Variants in PPP3CB observed in about 807,000 individuals in gnomAD.
PPP3CB encodes serine/threonine-protein phosphatase 2B catalytic subunit beta isoform.
Under a neutral mutation model 66.4 loss-of-function variants are expected in PPP3CB, and 8 were observed. The observed-to-expected ratio is 0.12, with a 90% CI of 0.07 to 0.22. The LOEUF (loss-of-function observed/expected upper bound fraction) is 0.22. PPP3CB is among the 10% of genes least tolerant of loss of function. The pLI, the probability that PPP3CB is intolerant of heterozygous loss-of-function variation, is 1.00. For missense variants in PPP3CB, 319 were observed against 642.5 expected, an observed-to-expected ratio of 0.50 and a Z score of 5.44; for synonymous variants, 208 against 221.2, an observed-to-expected ratio of 0.94 and a Z score of 0.53.
intron 9 of PPP3CB, among the ~76,000 whole-genome samples, chr10:73,454,987 C>G (rs2056402263): frequency 6.6e-6 from 1 of 151,948 alleles, no homozygotes; most frequent in Admixed American, 6.6e-5. Flanking sequence ...ATTCTCCTGC[C>G]TCAGCCTCCC....
rs1277224317 is a variant in PPP3CB at position 73,495,686 on chromosome 10, G to A, written c.85+119C>T. 36 of 1,419,530 alleles carry A rather than the reference G, an allele frequency of 2.5e-5. 1 individual carries two copies. The East Asian group carries it at 1.1e-3, about 42-fold the overall frequency. 87.9% of individuals were successfully genotyped at this position (1,419,530 alleles called of 1,614,324 possible). ...CCCGCCCAGGGGCCACTCCCCAAGG[G>A]AGGCAGCCAGTCACTCGCCCGCCCT... On this transcript the variant is annotated intron_variant, in intron 1 of 13. Transcript: ENST00000360663.
intron 13 of PPP3CB, among the ~76,000 whole-genome samples, chr10:73,438,708 C>T (rs1324046733): frequency 6.6e-6 from 1 of 152,190 alleles, no homozygotes; most frequent in Non-Finnish European, 1.5e-5. Context: ...AAATCAACCT[C>T]CAGGCAATGG....
At chr10:73,470,613 T>A in intron 8 of PPP3CB, 74 bp downstream of exon 8, 1 of 934,232 alleles carries the variant, frequency 1.1e-6, no homozygotes, top group East Asian at 2.7e-5. Flanking sequence ...ACAACACCCC[T>A]TTTTTATTAT....
chr10:73,489,531 TATA>T (rs1183383477), intron 1 of PPP3CB, among the ~76,000 whole-genome samples: 3 of 152,124 alleles, frequency 2.0e-5, no homozygotes, highest in South Asian at 2.1e-4. Context: ...CCAAAAACCC[TATA>T]ATAAGATTTT....
intron 12 of PPP3CB, among the ~76,000 whole-genome samples, chr10:73,443,061 G>T (rs977462813): frequency 2.0e-5 from 3 of 151,398 alleles, no homozygotes; most frequent in Non-Finnish European, 4.4e-5. Flanking sequence ...TTAGCTGGCT[G>T]TGGTGGCATG....
chr10:73,459,386 T>A (rs1437890856), intron 9 of PPP3CB, among the ~76,000 whole-genome samples: 3 of 152,176 alleles, frequency 2.0e-5, no homozygotes, highest in Admixed American at 6.5e-5. Flanking sequence ...CTCAGGAGGC[T>A]GAGGCAGGAG....
At position 73,438,157 on chromosome 10, in the gene PPP3CB, C is replaced by T. The variant is rs2056094961; in HGVS notation, c.*85G>A. 1.5e-6 allele frequency: 2 copies of T among 1,313,784 alleles called. No homozygotes were observed. The highest frequency in any genetic ancestry group is 2.1e-6 in the Non-Finnish European group (2 of 951,198). The allele number at this position is 1,313,784 out of a possible 1,614,324, so 81.4% of individuals were successfully genotyped here. A position where few individuals can be genotyped will look rare whatever the true frequency, so the allele number is the denominator to read the frequency against. On this transcript the variant is annotated 3_prime_UTR_variant, in exon 14 of 14. Transcript: ENST00000360663. ...TTCTTCAGAGAGACTGTGAAATTTA[C>T]AGTCAGCTTGGCCGACCCCTCCAGC... is the stretch of plus-strand genomic sequence containing the variant.
intron 10 of PPP3CB, among the ~76,000 whole-genome samples, chr10:73,453,296 T>C (rs765329532): frequency 6.6e-6 from 1 of 152,056 alleles, no homozygotes; most frequent in Non-Finnish European, 1.5e-5. Context: ...AATAAATTTA[T>C]TCCAAGGAGG....
chr10:73,443,308 G>T (rs2056189756), intron 12 of PPP3CB, among the ~76,000 whole-genome samples: 1 of 133,322 alleles, frequency 7.5e-6, no homozygotes, highest in African/African-American at 2.9e-5. Flanking sequence ...AAGAAAGAAA[G>T]AAAGAAAGAA....
intron 10 of PPP3CB, among the ~76,000 whole-genome samples, chr10:73,453,735 G>A (rs2056380887): frequency 6.6e-6 from 1 of 152,078 alleles, no homozygotes; most frequent in South Asian, 2.1e-4. Context: ...TTTATATATT[G>A]TTTACCTTTT....
chr10:73,443,266 G>GAGAAAGAAAGAAAGACAGAA (rs1564546960), intron 12 of PPP3CB, among the ~76,000 whole-genome samples: 2 of 64,440 alleles, frequency 3.1e-5, no homozygotes, highest in Non-Finnish European at 7.5e-5. Flanking sequence ...GAGAGAGAGA[G>GAGAAAGAAAGAAAGACAGAA]AGAAAGAAAG....
chr10:73,448,589 G>A, intron 10 of PPP3CB: 2 of 531,034 alleles, frequency 3.8e-6, no homozygotes, highest in Admixed American at 1.9e-5. Context: ...CTCAATGAAT[G>A]TGCTAACTTA....
chr10:73,468,764 A>G (rs886112981), intron 8 of PPP3CB, among the ~76,000 whole-genome samples: 1 of 152,234 alleles, frequency 6.6e-6, no homozygotes, highest in Non-Finnish European at 1.5e-5. Context: ...TGTTTCCCAT[A>G]TGAAATTCCC....
chr10:73,479,748 A>G (rs1589712316), intron 1 of PPP3CB, among the ~76,000 whole-genome samples: 1 of 152,240 alleles, frequency 6.6e-6, no homozygotes, highest in East Asian at 1.9e-4. Flanking sequence ...TTGTCTCACA[A>G]AATTAAGTTC....
rs185535258 is a variant in PPP3CB, at chr10:73,469,775, T to A, written c.982+912A>T. The stretch of plus-strand genomic sequence containing the variant: ...TTACACCATGACCCTTATTTAGCAA[T>A]GACCTCATTCTCTCTCTAAATGTCC... On this transcript the variant is annotated intron_variant, in intron 8 of 13. Transcript: ENST00000360663. Among the ~76,000 whole-genome samples the A allele has an allele frequency of 1.8e-3, 270 of 152,324 alleles. 1 individual carries two copies. The highest frequency in any genetic ancestry group is 2.9e-3 in the Non-Finnish European group (195 of 68,026).
At chr10:73,467,829 C>A (rs1238954334) in intron 8 of PPP3CB, 151 bp from the exon 9 acceptor site, 3 of 624,308 alleles carry the variant, frequency 4.8e-6, no homozygotes, top group Non-Finnish European at 2.6e-6. Context: ...GAGGAAGGAA[C>A]TAATTTTTAA....
Position 73,446,589 on chromosome 10 carries a change from T to TAAATA in PPP3CB, c.1187-21_1187-17dup. The TAAATA allele has an allele frequency of 6.2e-7, 1 of 1,608,396 alleles. No homozygotes were observed. ...GCAGCTGAACCTACTTTCAATGGAATAAATAGAGAGAAAGGCTCAAGTTTA... is the reference window on the plus strand; with the variant it reads ...GCAGCTGAACCTACTTTCAATGGAATAAATAAAATAGAGAGAAAGGCTCAAGTTTA... On this transcript the variant is annotated splice_polypyrimidine_tract_variant and intron_variant, in intron 10 of 13. Coordinates refer to ENST00000360663, the MANE Select transcript of PPP3CB (RefSeq NM_021132.4).
At chr10:73,471,012 T>C (rs768214280) in intron 6 of PPP3CB, 48 bp from the exon 7 acceptor site, 6 of 1,602,286 alleles carry the variant, frequency 3.7e-6, no homozygotes, top group Non-Finnish European at 5.1e-6. Context: ...CTTTTCTGTA[T>C]GAAGCATATG....
At chr10:73,443,193 T>A (rs191609176) in intron 12 of PPP3CB, among the ~76,000 whole-genome samples, 365 of 143,448 alleles carry the variant, frequency 2.5e-3, no homozygotes, top group African/African-American at 9.3e-3. Flanking sequence ...TCTGTCTCTC[T>A]CACACACACA....
Sources: allele counts gnomAD v4.1 joint callset (sites outside exome capture counted in the v4.1 genomes callset), GRCh38; gene constraint gnomAD v4.1.1; transcripts MANE v1.5; gene names NCBI Gene and HGNC (gene_info 2026-07-23, HGNC 2026-07-21).